The following PLPP4 variants were observed in gnomAD, a reference collection of about 807,000 sequenced individuals.
PLPP4 encodes the protein diacylglycerol pyrophosphate like 2.
A neutral mutation model predicts 32.2 loss-of-function variants in PLPP4; 20 were observed. The ratio of observed to expected loss-of-function variants is 0.62; its 90% CI spans 0.44 to 0.90. The LOEUF (loss-of-function observed/expected upper bound fraction) is 0.90, where lower values mean the gene tolerates loss of function less well. PLPP4 is among the 40% of genes least tolerant of loss of function. The pLI is 0.00. For synonymous variants in PLPP4, 127 were observed against 133.0 expected, an observed-to-expected ratio of 0.95 and a Z score of 0.31; for missense variants, 257 against 353.1, an observed-to-expected ratio of 0.73 and a Z score of 2.18.
rs532719234 is a variant in PLPP4, at chr10:120,590,116, A to G, written c.*614A>G. 5.9e-5 allele frequency among the ~76,000 whole-genome samples: 9 copies of G among 152,366 alleles called. 1 individual carries two copies. In the South Asian group the frequency reaches 1.9e-3, roughly 32 times the overall value. On this transcript the variant is annotated 3_prime_UTR_variant, in exon 7 of 7. Coordinates refer to ENST00000398250, the MANE Select transcript of PLPP4 (RefSeq NM_001030059.3). ...ATAACTTCATGCACAGACTTCCACC[A>G]AACACAATGAGCATGAAGATGCATG...
chr10:120,580,068 C>T (rs191458536), intron 6 of PLPP4, among the ~76,000 whole-genome samples: 8 of 142,112 alleles, frequency 5.6e-5, no homozygotes, highest in Admixed American at 7.5e-5. Context: ...TGCAGCGAGC[C>T]GAGATCATGC....
chr10:120,535,736 T>C (rs1846986698), intron 5 of PLPP4, among the ~76,000 whole-genome samples: 2 of 152,172 alleles, frequency 1.3e-5, no homozygotes, highest in Admixed American at 1.3e-4. Flanking sequence ...TCCTGTTTCA[T>C]GATGTGACTT....
chr10:120,472,022 T>A (rs547003814), intron 1 of PLPP4, among the ~76,000 whole-genome samples: 1 of 152,090 alleles, frequency 6.6e-6, no homozygotes, highest in Non-Finnish European at 1.5e-5. Context: ...TACTTTCATT[T>A]CTTCTCTCAT....
chr10:120,467,696 A>G lies in PLPP4; in HGVS notation c.56+10335A>G, dbSNP rs1262888872. The stretch of plus-strand genomic sequence containing the variant: ...AACAGATACGAGCAGAAAACTAACA[A>G]AAGTTCATAAACTGACACACTTTAA... On this transcript the variant is annotated intron_variant, in intron 1 of 6. Coordinates refer to ENST00000398250, the MANE Select transcript of PLPP4 (RefSeq NM_001030059.3). 6.1e-5 allele frequency among the ~76,000 whole-genome samples: 4 copies of G among 65,348 alleles called. 2 individuals are homozygous for G. Among genetic ancestry groups the G allele is most frequent in the Non-Finnish European group, 8.9e-5 (2 of 22,386 alleles). The allele number at this position is 65,348 out of a possible 152,430, so 42.9% of individuals were successfully genotyped here.
At chr10:120,543,747 T>C (rs1217526739) in intron 5 of PLPP4, among the ~76,000 whole-genome samples, 1 of 152,192 alleles carries the variant, frequency 6.6e-6, no homozygotes, top group Non-Finnish European at 1.5e-5. Context: ...TAAAACTCTG[T>C]ACCCGTTAAA....
chr10:120,563,069 C>T (rs1485301521), intron 5 of PLPP4, among the ~76,000 whole-genome samples: 1 of 152,028 alleles, frequency 6.6e-6, no homozygotes, highest in Non-Finnish European at 1.5e-5. Context: ...AGAAACCCCA[C>T]TTCTACTAAA....
At chr10:120,506,666 G>T (rs1407024379) in intron 2 of PLPP4, among the ~76,000 whole-genome samples, 2 of 152,206 alleles carry the variant, frequency 1.3e-5, no homozygotes, top group Non-Finnish European at 2.9e-5. Flanking sequence ...TCATCTGTGT[G>T]CAATTTAGAG....
chr10:120,516,061 G>T (rs1845922276), intron 3 of PLPP4, among the ~76,000 whole-genome samples: 1 of 152,164 alleles, frequency 6.6e-6, no homozygotes, highest in Non-Finnish European at 1.5e-5. Flanking sequence ...TGGATGTTCT[G>T]TTTGCCTAAA....
intron 5 of PLPP4, among the ~76,000 whole-genome samples, chr10:120,556,935 G>T (rs1307246269): frequency 1.3e-5 from 2 of 151,606 alleles, no homozygotes; most frequent in Non-Finnish European, 2.9e-5. Context: ...CTTAGGTTAA[G>T]ATGTTGCAGT....
intron 5 of PLPP4, among the ~76,000 whole-genome samples, chr10:120,570,092 G>A (rs574524054): frequency 6.6e-6 from 1 of 152,240 alleles, no homozygotes; most frequent in Non-Finnish European, 1.5e-5. Context: ...GATGAAATGA[G>A]GCAACCTAAT....
chr10:120,483,017 A>T (rs543614304), intron 1 of PLPP4, among the ~76,000 whole-genome samples: 154 of 152,344 alleles, frequency 1.0e-3, no homozygotes, highest in Non-Finnish European at 1.8e-3. Context: ...TCATCTAATC[A>T]GCTGCTAGTG....
intron 1 of PLPP4, among the ~76,000 whole-genome samples, chr10:120,464,131 G>A (rs192418716): frequency 1.3e-5 from 2 of 152,334 alleles, no homozygotes; most frequent in Non-Finnish European, 2.9e-5. Flanking sequence ...CTTACCTGCT[G>A]TGTGAGTTTT....
At chr10:120,577,955 T>C (rs1440893169) in intron 6 of PLPP4, among the ~76,000 whole-genome samples, 1 of 152,184 alleles carries the variant, frequency 6.6e-6, no homozygotes, top group Non-Finnish European at 1.5e-5. Context: ...TTCTTGGTTG[T>C]CACAACTTTG....
chr10:120,546,429 C>G (rs1039138027), intron 5 of PLPP4, among the ~76,000 whole-genome samples: 1 of 152,152 alleles, frequency 6.6e-6, no homozygotes, highest in African/African-American at 2.4e-5. Flanking sequence ...ACCTAGGGAT[C>G]TGCATCACTC....
chr10:120,535,288 T>C (rs1220539371), intron 5 of PLPP4, among the ~76,000 whole-genome samples: 1 of 152,144 alleles, frequency 6.6e-6, no homozygotes, highest in African/African-American at 2.4e-5. Context: ...ACTTCCCTAC[T>C]TAATGTTATA....
chr10:120,576,395 T>G (rs1458893840), intron 6 of PLPP4, among the ~76,000 whole-genome samples: 2 of 152,188 alleles, frequency 1.3e-5, no homozygotes, highest in African/African-American at 4.8e-5. Context: ...TCCTACCTTT[T>G]CCGGGGGTTT....
At chr10:120,551,019 C>T (rs755907028) in intron 5 of PLPP4, among the ~76,000 whole-genome samples, 52 of 151,942 alleles carry the variant, frequency 3.4e-4, no homozygotes, top group Non-Finnish European at 6.5e-4. Context: ...GCATTCATAT[C>T]CACAATATAT....
chr10:120,523,489 A>G (rs1846257230), intron 5 of PLPP4, among the ~76,000 whole-genome samples: 1 of 151,804 alleles, frequency 6.6e-6, no homozygotes, highest in Non-Finnish European at 1.5e-5. Context: ...TTCTGTATTG[A>G]TTTTTTGTCT....
chr10:120,475,716 G>A (rs1201114437), intron 1 of PLPP4, among the ~76,000 whole-genome samples: 1 of 152,174 alleles, frequency 6.6e-6, no homozygotes, highest in Non-Finnish European at 1.5e-5. Flanking sequence ...CTAAGTATCG[G>A]GAAAAGGGAT....
Sources: allele counts gnomAD v4.1 joint callset (sites outside exome capture counted in the v4.1 genomes callset), GRCh38; gene constraint gnomAD v4.1.1; transcripts MANE v1.5; gene names NCBI Gene and HGNC (gene_info 2026-07-23, HGNC 2026-07-21).